Variants in PPP4R1 observed in about 807,000 individuals in gnomAD.
PPP4R1 encodes serine/threonine-protein phosphatase 4 regulatory subunit 1.
PPP4R1 carries 42 observed loss-of-function variants against 111.2 expected under a neutral mutation model. The ratio of observed to expected loss-of-function variants is 0.38; its 90% CI spans 0.29 to 0.49. The LOEUF (loss-of-function observed/expected upper bound fraction) is 0.49, where lower values mean the gene tolerates loss of function less well. PPP4R1 is among the 20% of genes least tolerant of loss of function. The pLI, the probability that PPP4R1 is intolerant of heterozygous loss-of-function variation, is 0.97. For synonymous variants in PPP4R1, 409 were observed against 405.5 expected, an observed-to-expected ratio of 1.01 and a Z score of -0.10; for missense variants, 1,012 against 1,161.6, an observed-to-expected ratio of 0.87 and a Z score of 1.87.
chr18:9,610,441 T>C (rs1257978495), intron 2 of PPP4R1, among the ~76,000 whole-genome samples: 1 of 152,202 alleles, frequency 6.6e-6, no homozygotes, highest in Non-Finnish European at 1.5e-5. Flanking sequence ...CTTAAATACA[T>C]ATGGTTTTTA....
chr18:9,567,194 G>GTA (rs2066782238), intron 11 of PPP4R1, among the ~76,000 whole-genome samples: 1 of 152,198 alleles, frequency 6.6e-6, no homozygotes, highest in Non-Finnish European at 1.5e-5. Context: ...ATTAAAGGGA[G>GTA]TATGGAAGAA....
intron 11 of PPP4R1, among the ~76,000 whole-genome samples, chr18:9,566,975 C>A (rs1330862141): frequency 1.3e-5 from 2 of 152,164 alleles, no homozygotes; most frequent in African/African-American, 4.8e-5. Flanking sequence ...TAACACAATA[C>A]CCATTCTGCA....
chr18:9,615,718 T>C (rs1041470471), upstream of PPP4R1, among the ~76,000 whole-genome samples: 8 of 152,214 alleles, frequency 5.3e-5, no homozygotes, highest in Admixed American at 3.3e-4. Flanking sequence ...GGTGCCACTT[T>C]GGCGATGTGG....
At chr18:9,549,776 C>T in intron 18 of PPP4R1, 1 of 556,140 alleles carries the variant, frequency 1.8e-6, no homozygotes, top group South Asian at 2.1e-5. Flanking sequence ...CAGAGCAGAA[C>T]ACGCACATAC....
At chr18:9,613,917 TCTC>T (rs1003831352) in intron 2 of PPP4R1, 27 of 208,052 alleles carry the variant, frequency 1.3e-4, no homozygotes, top group African/African-American at 5.6e-4. Flanking sequence ...CCCCACCGCT[TCTC>T]CTTCCAAAAC....
At chr18:9,581,888 A>G (rs981602594) in intron 9 of PPP4R1, among the ~76,000 whole-genome samples, 1 of 152,200 alleles carries the variant, frequency 6.6e-6, no homozygotes, top group Non-Finnish European at 1.5e-5. Flanking sequence ...CTGACTTCAC[A>G]GTAGAAACAG....
intron 9 of PPP4R1, among the ~76,000 whole-genome samples, chr18:9,581,600 T>G (rs940858730): frequency 6.6e-6 from 1 of 152,032 alleles, no homozygotes; most frequent in African/African-American, 2.4e-5. Flanking sequence ...TTAAGCACAT[T>G]TAACATATAC....
At chr18:9,552,811 T>C (rs1231941485) in intron 16 of PPP4R1, among the ~76,000 whole-genome samples, 1 of 152,228 alleles carries the variant, frequency 6.6e-6, no homozygotes, top group African/African-American at 2.4e-5. Context: ...AATGGAATAT[T>C]ACTCAACCAC....
intron 13 of PPP4R1, among the ~76,000 whole-genome samples, chr18:9,560,664 T>TA (rs1431765393): frequency 2.6e-5 from 4 of 152,324 alleles, no homozygotes; most frequent in Non-Finnish European, 5.9e-5. Context: ...TTCAAAACAC[T>TA]ATTGTTTTGA....
chr18:9,583,009 AAAT>A, intron 9 of PPP4R1, 105 bp downstream of exon 9: 1 of 1,055,094 alleles, frequency 9.5e-7, no homozygotes, highest in Non-Finnish European at 1.3e-6. Flanking sequence ...AAAGTATAAA[AAAT>A]AATATATCTT....
upstream of PPP4R1, among the ~76,000 whole-genome samples, chr18:9,616,706 A>G (rs559616082): frequency 1.3e-5 from 2 of 152,368 alleles, no homozygotes; most frequent in African/African-American, 4.8e-5. Flanking sequence ...TAGACTTAAC[A>G]GTTCTCAGTA....
Position 9,584,437 on chromosome 18 carries a change from A to C in PPP4R1, c.759+78T>G. 3 of 1,266,806 alleles carry C rather than the reference A, an allele frequency of 2.4e-6. No individual in the cohort carries two copies. In the South Asian group the frequency reaches 5.2e-5, roughly 22 times the overall value. 78.5% of individuals were successfully genotyped at this position (1,266,806 alleles called of 1,614,324 possible). A position where few individuals can be genotyped will look rare whatever the true frequency, so the allele number is the denominator to read the frequency against. On this transcript the variant is annotated intron_variant, in intron 8 of 19. Transcript: ENST00000400556. ...TGGAATTGTGTTAATAAAACTTTGG[A>C]GTAAATGTGTGCATTTCAAACTTTA...
chr18:9,616,754 C>A (rs2067692523), upstream of PPP4R1, among the ~76,000 whole-genome samples: 2 of 152,172 alleles, frequency 1.3e-5, no homozygotes, highest in Non-Finnish European at 2.9e-5. Flanking sequence ...AAATGCTAGC[C>A]TAGGATATGG....
At chr18:9,567,226 T>G (rs1435794952) in intron 11 of PPP4R1, among the ~76,000 whole-genome samples, 1 of 152,162 alleles carries the variant, frequency 6.6e-6, no homozygotes, top group Non-Finnish European at 1.5e-5. Context: ...CCCTCATAAA[T>G]GACTGAAGGA....
chr18:9,570,818 T>C (rs2066850588), intron 10 of PPP4R1, 135 bp from the exon 11 acceptor site: 1 of 913,770 alleles, frequency 1.1e-6, no homozygotes, highest in Non-Finnish European at 1.6e-6. Flanking sequence ...ACAAACTGAG[T>C]TTATGTATAT....
chr18:9,570,108 T>C (rs1212742403), intron 11 of PPP4R1, 49 bp downstream of exon 11: 1 of 1,473,662 alleles, frequency 6.8e-7, no homozygotes, highest in Non-Finnish European at 9.0e-7. Context: ...AGATAGACAC[T>C]AATATTTTTA....
chr18:9,557,433 T>G, intron 14 of PPP4R1, 51 bp from the exon 15 acceptor site: 1 of 1,488,576 alleles, frequency 6.7e-7, no homozygotes, highest in Non-Finnish European at 9.0e-7. Context: ...ACGCAGTACT[T>G]TAACCATTAG....
At chr18:9,599,341 AG>A (rs1404854008) in intron 2 of PPP4R1, among the ~76,000 whole-genome samples, 1 of 152,226 alleles carries the variant, frequency 6.6e-6, no homozygotes, top group Admixed American at 6.5e-5. Context: ...TTATTTAAAA[AG>A]AAACACACAT....
chr18:9,589,080 G>A (rs1259219556), intron 4 of PPP4R1, among the ~76,000 whole-genome samples: 1 of 152,136 alleles, frequency 6.6e-6, no homozygotes, highest in Non-Finnish European at 1.5e-5. Context: ...TTCACAGTAT[G>A]CACTGAGTAT....
Sources: gnomAD v4.1 joint callset for allele counts (sites outside exome capture counted in the v4.1 genomes callset) on GRCh38, gnomAD v4.1.1 for gene constraint, MANE v1.5 for transcripts, NCBI Gene and HGNC (gene_info 2026-07-23, HGNC 2026-07-21) for gene names.